The following OPCML variants were observed in gnomAD, a reference collection of about 807,000 sequenced individuals.
OPCML encodes opioid binding protein/cell adhesion molecule like.
In OPCML, 13 loss-of-function variants were observed where a neutral mutation model predicts 37.8. The observed-to-expected ratio is 0.34, with a 90% confidence interval of 0.22 to 0.55. OPCML has a LOEUF of 0.55. OPCML is among the 20% of genes least tolerant of loss of function. OPCML has a pLI of 0.91. For missense variants in OPCML, 341 were observed against 435.6 expected, an observed-to-expected ratio of 0.78 and a Z score of 1.93; for synonymous variants, 176 against 168.8, an observed-to-expected ratio of 1.04 and a Z score of -0.33.
intron 2 of OPCML, among the ~76,000 whole-genome samples, chr11:132,755,152 A>G (rs1945993308): frequency 6.6e-6 from 1 of 152,136 alleles, no homozygotes; most frequent in South Asian, 2.1e-4. Flanking sequence ...CTATGGTTCA[A>G]CCTAAATATA....
rs368981994 is a variant in OPCML at position 133,019,855 on chromosome 11, C to T, written c.62-76845G>A. Among the ~76,000 whole-genome samples the T allele has an allele frequency of 3.9e-5, 6 of 152,284 alleles. No individual in the cohort carries two copies. In the East Asian group the frequency reaches 1.2e-3, roughly 29 times the overall value. On this transcript the variant is annotated intron_variant, in intron 1 of 7. Transcript: ENST00000524381. ...AACCCAGTGTCATTCTCCGGAATTG[C>T]CCTCCTATGAAGCCCAGGCCCACGT...
At chr11:133,070,587 C>T (rs1206562496) in intron 1 of OPCML, among the ~76,000 whole-genome samples, 1 of 152,180 alleles carries the variant, frequency 6.6e-6, no homozygotes, top group African/African-American at 2.4e-5. Context: ...AGAGGTAACG[C>T]AACGGTGTGG....
intron 1 of OPCML, among the ~76,000 whole-genome samples, chr11:133,169,246 A>G (rs1950256017): frequency 6.6e-6 from 1 of 152,230 alleles, no homozygotes; most frequent in Admixed American, 6.5e-5. Context: ...ACAGCTGGAA[A>G]GTGATAGTGT....
At chr11:133,373,333 C>T (rs1313117251) in intron 1 of OPCML, among the ~76,000 whole-genome samples, 6 of 150,988 alleles carry the variant, frequency 4.0e-5, no homozygotes, top group Admixed American at 1.3e-4. Context: ...GAGGCTGAGG[C>T]GGGCAGGCCA....
Position 132,433,770 on chromosome 11 carries a change from T to C in OPCML, c.916+2316A>G, listed in dbSNP as rs138870424. 2.5e-3 allele frequency among the ~76,000 whole-genome samples: 374 copies of C among 152,272 alleles called. 1 individual carries two copies. The highest frequency in any genetic ancestry group is 4.5e-3 in the Admixed American group (69 of 15,294). ...AAAGCTCCCTCTCTCTCTTTTTCTA[T>C]GAGAATTCAGAGGAGAAACCATGTG... On this transcript the variant is annotated intron_variant, in intron 7 of 7. Coordinates refer to ENST00000524381, the MANE Select transcript of OPCML (RefSeq NM_001012393.5).
At chr11:132,978,720 T>C (rs1946518092) in intron 1 of OPCML, among the ~76,000 whole-genome samples, 1 of 152,208 alleles carries the variant, frequency 6.6e-6, no homozygotes, top group Non-Finnish European at 1.5e-5. Flanking sequence ...AGACCTCATC[T>C]ACTCTTATGG....
chr11:133,009,109 T>C lies in OPCML; in HGVS notation c.62-66099A>G, dbSNP rs1947167021. 3.0e-6 allele frequency: 3 copies of C among 985,272 alleles called. No individual in the cohort carries two copies. The Admixed American group carries it at 1.8e-4, about 61-fold the overall frequency. 61.0% of individuals were successfully genotyped at this position (985,272 alleles called of 1,614,324 possible). On this transcript the variant is annotated intron_variant, in intron 1 of 7. Coordinates refer to ENST00000524381, the MANE Select transcript of OPCML (RefSeq NM_001012393.5). Reference sequence around the variant, plus strand: ...GGTTTAGTGAGATTAAATGCATTCTTTAATTCTATTTAACAGAGAACACTG... The same window carrying C: ...GGTTTAGTGAGATTAAATGCATTCTCTAATTCTATTTAACAGAGAACACTG...
rs1046002179 is a variant in OPCML, at chr11:132,847,480, T to C, written c.146+95446A>G. ...TAGAAGACTGGAACCCTATCTTCTT[T>C]AGATTATAATAAATGTTAGTGATAG... On this transcript the variant is annotated intron_variant, in intron 2 of 7. Transcript: ENST00000524381. Among the ~76,000 whole-genome samples the C allele has an allele frequency of 2.6e-5, 4 of 152,224 alleles. No homozygotes were observed. In the South Asian group the frequency reaches 8.3e-4, roughly 32 times the overall value.
At chr11:132,439,657 T>C (rs1253598319) in intron 4 of OPCML, among the ~76,000 whole-genome samples, 1 of 151,070 alleles carries the variant, frequency 6.6e-6, no homozygotes, top group Non-Finnish European at 1.5e-5. Flanking sequence ...TAAACAACAA[T>C]GGAATCAAAC....
Position 132,809,551 on chromosome 11 carries a change from T to A in OPCML, c.146+133375A>T, listed in dbSNP as rs371405617. Among the ~76,000 whole-genome samples the A allele has an allele frequency of 4.6e-5, 7 of 152,202 alleles. No individual in the cohort carries two copies. In the East Asian group the frequency reaches 5.8e-4, roughly 13 times the overall value. The stretch of plus-strand genomic sequence containing the variant: ...AATCTTAACAACATTTTTAATATTG[T>A]ATTTCTAAATGTTCCCCAGGGTTAA... On this transcript the variant is annotated intron_variant, in intron 2 of 7. Coordinates refer to ENST00000524381, the MANE Select transcript of OPCML (RefSeq NM_001012393.5).
chr11:133,421,076 G>A, intron 1 of OPCML: 1 of 985,286 alleles, frequency 1.0e-6, no homozygotes, highest in Non-Finnish European at 1.2e-6. Context: ...ATTATTGGAG[G>A]GCAAACATAA....
chr11:132,939,845 G>A (rs757402946), intron 2 of OPCML, among the ~76,000 whole-genome samples: 2 of 152,170 alleles, frequency 1.3e-5, no homozygotes, highest in Non-Finnish European at 2.9e-5. Flanking sequence ...CCCAACAGCA[G>A]ATAATTGTAA....
At chr11:133,163,035 A>G (rs1464259064) in intron 1 of OPCML, among the ~76,000 whole-genome samples, 1 of 152,244 alleles carries the variant, frequency 6.6e-6, no homozygotes, top group Non-Finnish European at 1.5e-5. Context: ...CAATGATAAC[A>G]TAGGTAGTGT....
At chr11:133,246,045 T>G (rs906965566) in intron 1 of OPCML, among the ~76,000 whole-genome samples, 10 of 134,300 alleles carry the variant, frequency 7.4e-5, no homozygotes, top group Non-Finnish European at 1.4e-4. Flanking sequence ...GGTTGATAGG[T>G]GCAGCAACCG....
chr11:133,494,135 G>A (rs1226915197), intron 1 of OPCML, among the ~76,000 whole-genome samples: 1 of 152,032 alleles, frequency 6.6e-6, no homozygotes, highest in Admixed American at 6.6e-5. Flanking sequence ...CACCATCACT[G>A]GCCATCAGAG....
intron 1 of OPCML, among the ~76,000 whole-genome samples, chr11:133,509,848 T>A (rs77590955): frequency 0.069 from 10,459 of 152,242 alleles, 1,211 homozygotes; most frequent in African/African-American, 0.24. Flanking sequence ...CTCCACGAGT[T>A]CTCATTGATT....
chr11:132,584,254 A>G (rs920206717), intron 3 of OPCML, among the ~76,000 whole-genome samples: 2 of 152,114 alleles, frequency 1.3e-5, no homozygotes, highest in East Asian at 3.9e-4. Context: ...TAGTAGTGGT[A>G]TCATCTTCAT....
At chr11:133,509,423 G>A (rs1427256306) in intron 1 of OPCML, among the ~76,000 whole-genome samples, 44 of 152,150 alleles carry the variant, frequency 2.9e-4, no homozygotes, top group Admixed American at 2.9e-3. Context: ...TGGCTACATA[G>A]TATTCCACGG....
chr11:132,952,323 C>T (rs1945877637), intron 1 of OPCML, among the ~76,000 whole-genome samples: 1 of 152,018 alleles, frequency 6.6e-6, no homozygotes, highest in Admixed American at 6.6e-5. Context: ...AAGAAAGTCA[C>T]CAGAAAGGGA....
Sources: allele counts gnomAD v4.1 joint callset (sites outside exome capture counted in the v4.1 genomes callset), GRCh38; gene constraint gnomAD v4.1.1; transcripts MANE v1.5; gene names NCBI Gene and HGNC (gene_info 2026-07-23, HGNC 2026-07-21).